GON4L: variants seen among roughly 807,000 people sequenced by gnomAD.
The protein encoded by GON4L is GON-4-like protein.
In GON4L, 87 loss-of-function variants were observed where a neutral mutation model predicts 211.8. That is an observed-to-expected ratio of 0.41 (90% CI 0.35 to 0.49). The LOEUF (loss-of-function observed/expected upper bound fraction) is 0.49. Among genes scored for constraint, GON4L ranks in the 20% least tolerant of loss-of-function variants. The probability of loss-of-function intolerance (pLI) is 0.15; values close to 1 mark genes in which losing one functional copy is unlikely to be tolerated. For synonymous variants in GON4L, 875 were observed against 962.6 expected (o/e 0.91, Z 1.68); for missense variants, 2,155 against 2,659.5 (o/e 0.81, Z 4.17).
At chr1:155,797,853 A>G (rs1342637433) in intron 11 of GON4L, among the ~76,000 whole-genome samples, 2 of 147,670 alleles carry the variant, frequency 1.4e-5, no homozygotes, top group Admixed American at 6.7e-5. Context: ...TCCATCTAAC[A>G]AGAAAAAAAA....
chr1:155,803,729 G>A (rs1403403730), intron 11 of GON4L, among the ~76,000 whole-genome samples: 1 of 152,170 alleles, frequency 6.6e-6, no homozygotes, highest in Non-Finnish European at 1.5e-5. Context: ...GACTGGGCAT[G>A]AGATCAAACC....
intron 5 of GON4L, 64 bp from the exon 6 acceptor site, chr1:155,820,720 G>T: frequency 8.1e-7 from 1 of 1,228,834 alleles, no homozygotes; most frequent in Non-Finnish European, 1.2e-6. Context: ...GGTGGCTCAT[G>T]CCTATAATCC....
At chr1:155,855,133 T>C (rs903966601) in intron 1 of GON4L, among the ~76,000 whole-genome samples, 2 of 152,212 alleles carry the variant, frequency 1.3e-5, no homozygotes, top group African/African-American at 2.4e-5. Flanking sequence ...TGTTACTTCT[T>C]GGCTTTTTGC....
chr1:155,789,146 A>G (rs1218262100), intron 12 of GON4L, among the ~76,000 whole-genome samples: 1 of 151,636 alleles, frequency 6.6e-6, no homozygotes, highest in Admixed American at 6.6e-5. Context: ...GTGGGGATTG[A>G]CTTGGAAGGG....
intron 17 of GON4L, among the ~76,000 whole-genome samples, chr1:155,774,358 G>T (rs1473348562): frequency 6.7e-6 from 1 of 148,892 alleles, no homozygotes; most frequent in Admixed American, 6.8e-5. Context: ...GCCCAGGCTG[G>T]AGTGCAATGA....
intron 11 of GON4L, 131 bp from the exon 12 acceptor site, chr1:155,795,282 A>T (rs1665957486): frequency 4.5e-6 from 3 of 673,210 alleles, no homozygotes; most frequent in Admixed American, 4.1e-5. Flanking sequence ...GCTGGAGTGC[A>T]GTGGTACAGC....
intron 16 of GON4L, 51 bp downstream of exon 16, chr1:155,776,344 A>G: frequency 8.3e-7 from 1 of 1,202,176 alleles, no homozygotes; most frequent in Non-Finnish European, 1.2e-6. Flanking sequence ...ATAACCTGCC[A>G]AGCTAATTTC....
chr1:155,854,311 G>A (rs899898454), intron 1 of GON4L, among the ~76,000 whole-genome samples: 10 of 152,140 alleles, frequency 6.6e-5, no homozygotes, highest in South Asian at 2.1e-4. Flanking sequence ...CACCACCTAC[G>A]CCTGGCTAAT....
chr1:155,773,805 T>C (rs1269474170), intron 17 of GON4L, among the ~76,000 whole-genome samples: 1 of 152,186 alleles, frequency 6.6e-6, no homozygotes, highest in Non-Finnish European at 1.5e-5. Context: ...AAAACTACTA[T>C]ATCCATATTT....
At chr1:155,773,014 ATCT>A in intron 18 of GON4L, 49 bp downstream of exon 18, 1 of 1,606,894 alleles carries the variant, frequency 6.2e-7, no homozygotes, top group Non-Finnish European at 8.5e-7. Context: ...AAGGAACTAC[ATCT>A]TCTCCTTGGG....
rs190317398 is a variant in GON4L at position 155,824,271 on chromosome 1, A to T, written c.698-1795T>A. On this transcript the variant is annotated intron_variant, in intron 3 of 31. Coordinates refer to ENST00000368331, the MANE Select transcript of GON4L (RefSeq NM_001282860.2). ...AACCCTGTCTCTACTAAAAAAAAAA[A>T]AATAATACAAAAATTAGCCGGCCAT... Among the ~76,000 whole-genome samples the T allele has an allele frequency of 1.6e-3, 245 of 151,058 alleles. 1 individual carries two copies. The highest frequency in any genetic ancestry group is 3.4e-3 in the African/African-American group (140 of 41,176).
rs112697362 is a variant in GON4L, at chr1:155,774,820, T to C, written c.2350+182A>G. On this transcript the variant is annotated intron_variant, in intron 17 of 31. Transcript: ENST00000368331. The stretch of plus-strand genomic sequence containing the variant: ...TCCACACTTTACCCAGGCCCAGAGA[T>C]TATCATGTAATTCTAGAACTTGGAT... The C allele has an allele frequency of 1.5e-3, 1,391 of 913,876 alleles. 11 individuals are homozygous for C. The African/African-American group carries it at 0.02, about 13-fold the overall frequency. 56.6% of individuals were successfully genotyped at this position (913,876 alleles called of 1,614,324 possible). A position where few individuals can be genotyped will look rare whatever the true frequency, so the allele number is the denominator to read the frequency against.
At chr1:155,828,544 C>A (rs1436525609) in intron 2 of GON4L, among the ~76,000 whole-genome samples, 2 of 151,764 alleles carry the variant, frequency 1.3e-5, no homozygotes, top group Non-Finnish European at 2.9e-5. Context: ...CAGTGGCTCA[C>A]GCCTGTAATC....
Position 155,754,014 on chromosome 1 carries a change from C to A in GON4L, c.5631+361G>T, listed in dbSNP as rs1362383182. On this transcript the variant is annotated intron_variant, in intron 28 of 31. Transcript: ENST00000368331. ...AATAGAGTATTGGATTCCACAACTC[C>A]TTCTCTCACCAAGAACTGTGTTTTT... is the stretch of plus-strand genomic sequence containing the variant. 4 of 358,226 alleles carry A rather than the reference C, an allele frequency of 1.1e-5. No individual in the cohort carries two copies. In the Admixed American group the frequency reaches 1.2e-4, roughly 10 times the overall value. 22.2% of individuals were successfully genotyped at this position (358,226 alleles called of 1,614,324 possible).
At chr1:155,749,162 G>T (rs962880453), downstream of GON4L, among the ~76,000 whole-genome samples, 5 of 152,184 alleles carry the variant, frequency 3.3e-5, no homozygotes, top group African/African-American at 4.8e-5. Context: ...TGAGGCAGAA[G>T]AATTGTTTGA....
chr1:155,839,037 G>C (rs1167293850), intron 2 of GON4L, among the ~76,000 whole-genome samples: 1 of 151,846 alleles, frequency 6.6e-6, no homozygotes, highest in Non-Finnish European at 1.5e-5. Flanking sequence ...TCCTTCTTAG[G>C]TTTATATAAA....
intron 12 of GON4L, among the ~76,000 whole-genome samples, chr1:155,789,848 T>C (rs189152508): frequency 6.6e-6 from 1 of 152,082 alleles, no homozygotes; most frequent in African/African-American, 2.4e-5. Flanking sequence ...AGTATTTGCA[T>C]ATAATCTACA....
Position 155,760,574 on chromosome 1 carries a change from TC to T in GON4L, c.4978del (p.Glu1660SerfsTer10). The T allele has an allele frequency of 6.2e-7, 1 of 1,613,416 alleles. No individual in the cohort carries two copies. ...EDFLQVIYEF[E>X]SSTQRRTAVD... is the part of the protein sequence containing the mutation. The stretch of plus-strand genomic sequence containing the variant: ...AGCCGTCCGTCTCTGGGTACTTGAC[TC>T]AAATTCATAGATGACTTGAAGGAAG... On this transcript the variant is annotated frameshift_variant, in exon 24 of 32. Transcript: ENST00000368331. LOFTEE classifies it high-confidence loss of function.
chr1:155,794,929 A>T, intron 12 of GON4L, 121 bp downstream of exon 12: 2 of 714,038 alleles, frequency 2.8e-6, no homozygotes, highest in South Asian at 2.9e-5. Flanking sequence ...ATAAATGGGT[A>T]AAGGAAACCT....
Sources: gnomAD v4.1 joint callset for allele counts (sites outside exome capture counted in the v4.1 genomes callset) on GRCh38, gnomAD v4.1.1 for gene constraint, MANE v1.5 for transcripts, NCBI Gene and HGNC (gene_info 2026-07-23, HGNC 2026-07-21) for gene names.